Variants in ZNF610 observed in about 807,000 individuals in gnomAD.
ZNF610 encodes the protein zinc finger protein 610.
In ZNF610, 14 loss-of-function variants were observed where a neutral mutation model predicts 14.1. That is an observed-to-expected ratio of 0.99 (90% CI 0.65 to 1.55). The LOEUF is 1.55. Ranked by LOEUF, ZNF610 falls within the 40% of genes most tolerant of loss-of-function variation. The pLI is 0.00. For missense variants in ZNF610, 530 were observed against 558.0 expected (o/e 0.95, Z 0.51); for synonymous variants, 185 against 187.6 (o/e 0.99, Z 0.11).
chr19:52,343,040 C>T (rs1984761828), intron 1 of ZNF610, among the ~76,000 whole-genome samples: 2 of 152,078 alleles, frequency 1.3e-5, no homozygotes, highest in South Asian at 2.1e-4. Context: ...TGTGTCCACT[C>T]GTGTTCTGGA....
At chr19:52,355,117 CT>C (rs1985464114) in intron 5 of ZNF610, among the ~76,000 whole-genome samples, 1 of 152,182 alleles carries the variant, frequency 6.6e-6, no homozygotes, top group Non-Finnish European at 1.5e-5. Context: ...CTTCTGTGAA[CT>C]TTTGTTCCAT....
At chr19:52,346,672 A>G (rs1984975499) in intron 1 of ZNF610, among the ~76,000 whole-genome samples, 1 of 152,204 alleles carries the variant, frequency 6.6e-6, no homozygotes, top group African/African-American at 2.4e-5. Flanking sequence ...GGAAGAAAAA[A>G]TAAGCAAGTA....
At chr19:52,333,152 G>T (rs182565804), upstream of ZNF610, among the ~76,000 whole-genome samples, 2 of 152,218 alleles carry the variant, frequency 1.3e-5, no homozygotes, top group African/African-American at 4.8e-5. Flanking sequence ...CCTGTGTTAA[G>T]CAGGCAACAT....
Position 52,365,664 on chromosome 19 carries a change from A to G in ZNF610, c.320-34A>G, listed in dbSNP as rs544679063. 7.8e-6 allele frequency: 12 copies of G among 1,546,246 alleles called. No individual in the cohort carries two copies. The East Asian group carries it at 9.0e-5, about 12-fold the overall frequency. On this transcript the variant is annotated intron_variant, in intron 5 of 5. Coordinates refer to ENST00000403906, the MANE Select transcript of ZNF610 (RefSeq NM_001161425.2). ...ACCAGACGGTAAACATGCCAGAATCATGGGTTCATGTTCTACTCTTTCTTC... is the reference window on the plus strand; with the variant it reads ...ACCAGACGGTAAACATGCCAGAATCGTGGGTTCATGTTCTACTCTTTCTTC...
Position 52,349,184 on chromosome 19 carries a change from T to C in ZNF610, c.12T>C (p.Asp4=), listed in dbSNP as rs1985114162. The change falls in exon 3 of 6, where the codon GAT becomes GAC. Residue 4 remains aspartate, a synonymous_variant. Coordinates refer to ENST00000403906, the MANE Select transcript of ZNF610 (RefSeq NM_001161425.2). MLC[D]EEAQKRKAKE... is the part of the protein sequence containing the mutation. ...ACTTATAAACAGTCATGCTATGTGA[T>C]GAAGAAGCCCAGAAGAGGAAAGCAA... is the stretch of plus-strand genomic sequence containing the variant. 1.2e-6 allele frequency: 2 copies of C among 1,613,534 alleles called. No homozygotes were observed. The highest frequency in any genetic ancestry group is 1.3e-5 in the African/African-American group (1 of 74,848).
chr19:52,339,713 T>C (rs1045339554), intron 1 of ZNF610, among the ~76,000 whole-genome samples: 6 of 152,152 alleles, frequency 3.9e-5, no homozygotes, highest in Non-Finnish European at 7.4e-5. Flanking sequence ...ACAGTCTGAT[T>C]TCTCTTTCTT....
At chr19:52,364,973 C>T (rs990783373) in intron 5 of ZNF610, among the ~76,000 whole-genome samples, 10 of 151,450 alleles carry the variant, frequency 6.6e-5, no homozygotes, top group African/African-American at 1.5e-4. Flanking sequence ...AGGCTGGGCA[C>T]GGTGGCTCAC....
In ZNF610 at chr19:52,366,536, C is replaced by A. The variant is rs1201077812; in HGVS notation, c.1158C>A (p.Gly386=). 6.2e-7 allele frequency: 1 copy of A among 1,613,646 alleles called. No individual in the cohort carries two copies. Among genetic ancestry groups the A allele is most frequent in the East Asian group, 2.2e-5 (1 of 44,854 alleles). The stretch of plus-strand genomic sequence containing the variant: ...GAAGAGCATTTCACAAGCGTCCGGG[C>A]CTTATGGCCCATCTTCTAATCCATA... The part of the protein sequence containing the change: ...ECGRAFHKRP[G]LMAHLLIHTG... Residue 386 remains glycine (G), a synonymous_variant, in exon 6 of 6, where the codon GGC becomes GGA. Coordinates refer to ENST00000403906, the MANE Select transcript of ZNF610 (RefSeq NM_001161425.2).
chr19:52,330,627 C>A, the ZNF610 span, among the ~76,000 whole-genome samples: 1 of 152,086 alleles, frequency 6.6e-6, no homozygotes, highest in Non-Finnish European at 1.5e-5. Flanking sequence ...TTTTTATTTC[C>A]ATGGACCCTG....
rs2251476 is a variant in ZNF610, at chr19:52,354,448, G to A, written c.319+69G>A. On this transcript the variant is annotated intron_variant, in intron 5 of 5. Transcript: ENST00000403906. ...TTTTATTTTTGAGCCAGGGTGTTCC[G>A]CTATCACCCAGGCTGTAGTGCAGTG... 5,461 of 1,527,650 alleles carry A rather than the reference G, an allele frequency of 3.6e-3. 90 individuals are homozygous for A. The East Asian group carries it at 0.052, about 14-fold the overall frequency. The allele number at this position is 1,527,650 out of a possible 1,614,324, so 94.6% of individuals were successfully genotyped here. A position where few individuals can be genotyped will look rare whatever the true frequency, so the allele number is the denominator to read the frequency against.
At chr19:52,336,703 G>A (rs1984400239) in intron 1 of ZNF610, among the ~76,000 whole-genome samples, 197 bp downstream of exon 1, 2 of 152,156 alleles carry the variant, frequency 1.3e-5, no homozygotes, top group Non-Finnish European at 2.9e-5. Flanking sequence ...TGGGTCCTGG[G>A]ACCCTTGAGA....
chr19:52,342,415 C>T (rs2122183199), intron 1 of ZNF610, among the ~76,000 whole-genome samples: 1 of 152,150 alleles, frequency 6.6e-6, no homozygotes, highest in Non-Finnish European at 1.5e-5. Flanking sequence ...AAATTTTTGT[C>T]CTCATCTTTC....
At position 52,365,944 on chromosome 19, in the gene ZNF610, T is replaced by C; in HGVS notation, c.566T>C (p.Leu189Pro). 6.2e-7 allele frequency: 1 copy of C among 1,613,544 alleles called. No homozygotes were observed. The highest frequency in any genetic ancestry group is 8.5e-7 in the Non-Finnish European group (1 of 1,179,854). Residue 189 changes from leucine to proline, a missense_variant, in exon 6 of 6, where the codon CTC becomes CCC. Physicochemically the swap from Leu to Pro is moderately conservative, Grantham distance 98. Coordinates refer to ENST00000403906, the MANE Select transcript of ZNF610 (RefSeq NM_001161425.2). ...YRNDLIDFPL[L>P]PQEEKAYIRG... ...AATGATCTTATTGATTTCCCATTAC[T>C]CCCACAAGAAGAGAAAGCATACATT...
chr19:52,365,499 C>T (rs1985974986), intron 5 of ZNF610, among the ~76,000 whole-genome samples, 199 bp from the exon 6 acceptor site: 1 of 152,152 alleles, frequency 6.6e-6, no homozygotes, highest in African/African-American at 2.4e-5. Flanking sequence ...ACTCATAATC[C>T]TCCCGAGTCC....
intron 5 of ZNF610, among the ~76,000 whole-genome samples, chr19:52,364,206 T>A (rs1985916225): frequency 6.6e-6 from 1 of 152,234 alleles, no homozygotes; most frequent in African/African-American, 2.4e-5. Context: ...TAGTGCTTTT[T>A]AAATAATTTT....
intron 5 of ZNF610, among the ~76,000 whole-genome samples, chr19:52,355,435 C>T (rs1208781278): frequency 6.6e-6 from 1 of 152,240 alleles, no homozygotes; most frequent in Non-Finnish European, 1.5e-5. Flanking sequence ...TTTTCCTATT[C>T]TCACATGCCA....
At chr19:52,364,226 A>G (rs1985916452) in intron 5 of ZNF610, among the ~76,000 whole-genome samples, 1 of 152,242 alleles carries the variant, frequency 6.6e-6, no homozygotes, top group African/African-American at 2.4e-5. Flanking sequence ...TGCCTTTGAA[A>G]TGCTAGGAAA....
chr19:52,353,705 G>T lies in ZNF610; in HGVS notation c.87G>T (p.Val29=). 2 of 1,613,832 alleles carry T rather than the reference G, an allele frequency of 1.2e-6. No individual in the cohort carries two copies. Among genetic ancestry groups the T allele is most frequent in the Non-Finnish European group, 1.7e-6 (2 of 1,179,884 alleles). Residue 29 remains valine, a synonymous_variant, in exon 4 of 6, where the codon GTG becomes GTT. Transcript: ENST00000403906. ...AGGGACGCTTGACATTCATGGACGT[G>T]GCCATCGAATTCTCTCAGGAGGAGT... The part of the protein sequence containing the change: ...LPQGRLTFMD[V]AIEFSQEEWK...
chr19:52,339,928 G>C (rs1984594498), intron 1 of ZNF610, among the ~76,000 whole-genome samples: 1 of 152,132 alleles, frequency 6.6e-6, no homozygotes, highest in Admixed American at 6.5e-5. Flanking sequence ...CAAAGTGCTG[G>C]GATTACAGGC....
Sources: gnomAD v4.1 joint callset for allele counts (sites outside exome capture counted in the v4.1 genomes callset) on GRCh38, gnomAD v4.1.1 for gene constraint, MANE v1.5 for transcripts, NCBI Gene and HGNC (gene_info 2026-07-23, HGNC 2026-07-21) for gene names.